PTPRK: variants seen among roughly 807,000 people sequenced by gnomAD.
PTPRK encodes the protein receptor-type tyrosine-protein phosphatase kappa.
Under a neutral mutation model 178.0 loss-of-function variants are expected in PTPRK, and 75 were observed. The observed-to-expected ratio is 0.42, with a 90% CI of 0.35 to 0.51. PTPRK has a LOEUF of 0.51. Ranked by LOEUF, PTPRK falls within the 20% of genes least tolerant of loss-of-function variation. The probability of loss-of-function intolerance (pLI) is 0.02; values close to 1 mark genes in which losing one functional copy is unlikely to be tolerated. For missense variants in PTPRK, 1,441 were observed against 1,797.8 expected (o/e 0.80, Z 3.59); for synonymous variants, 637 against 620.6 (o/e 1.03, Z -0.39).
rs944602203 is a variant in PTPRK, at chr6:128,016,738, T to C, written c.2195-7470A>G. On this transcript the variant is annotated intron_variant, in intron 13 of 29. Coordinates refer to ENST00000368226, the MANE Select transcript of PTPRK (RefSeq NM_002844.4). ...TGAGTTTTTCAAAAATCCTCTTTTT[T>C]ATTTGAAAGTTTTAAAAGAGTCCAA... Among the ~76,000 whole-genome samples the C allele has an allele frequency of 2.6e-5, 4 of 151,908 alleles. No individual in the cohort carries two copies. The East Asian group carries it at 7.7e-4, about 29-fold the overall frequency.
At chr6:128,221,973 A>G (rs1810495932) in intron 5 of PTPRK, among the ~76,000 whole-genome samples, 2 of 151,962 alleles carry the variant, frequency 1.3e-5, no homozygotes. Flanking sequence ...AAGGCCCACC[A>G]CGCTGCTTAC....
chr6:128,117,270 G>A (rs1465235485), intron 7 of PTPRK, among the ~76,000 whole-genome samples: 1 of 152,152 alleles, frequency 6.6e-6, no homozygotes, highest in Admixed American at 6.5e-5. Context: ...ACCCCCTAAA[G>A]CTCCTCTAGG....
rs1858902066 is a variant in PTPRK at position 128,520,531 on chromosome 6, G to C, written c.-173C>G. The C allele has an allele frequency of 5.1e-6, 3 of 588,954 alleles. No individual in the cohort carries two copies. The highest frequency in any genetic ancestry group is 9.1e-6 in the Non-Finnish European group (3 of 329,838). 36.5% of individuals were successfully genotyped at this position (588,954 alleles called of 1,614,324 possible). A position where few individuals can be genotyped will look rare whatever the true frequency, so the allele number is the denominator to read the frequency against. ...TCGCCAAACTACCTCAGGGGCGAAAGCGTCGCCAGCGTCGCCGGCCGGCCG... is the reference window on the plus strand; with the variant it reads ...TCGCCAAACTACCTCAGGGGCGAAACCGTCGCCAGCGTCGCCGGCCGGCCG... On this transcript the variant is annotated 5_prime_UTR_variant, in exon 1 of 30. Coordinates refer to ENST00000368226, the MANE Select transcript of PTPRK (RefSeq NM_002844.4).
intron 3 of PTPRK, among the ~76,000 whole-genome samples, chr6:128,298,544 G>A (rs1432278811): frequency 1.3e-5 from 2 of 152,068 alleles, no homozygotes; most frequent in Admixed American, 6.5e-5. Flanking sequence ...CTTCATCCCT[G>A]GGATGCAAGG....
At chr6:128,503,568 T>A (rs1176986433) in intron 1 of PTPRK, among the ~76,000 whole-genome samples, 1 of 152,232 alleles carries the variant, frequency 6.6e-6, no homozygotes, top group Non-Finnish European at 1.5e-5. Context: ...AGAATGAACA[T>A]GCATTTACTA....
intron 7 of PTPRK, among the ~76,000 whole-genome samples, chr6:128,117,354 G>A (rs984503686): frequency 6.6e-6 from 1 of 152,106 alleles, no homozygotes; most frequent in Non-Finnish European, 1.5e-5. Flanking sequence ...GTAATTTGGA[G>A]TGCTAAGCAA....
At chr6:128,227,093 T>A (rs1334888914) in intron 5 of PTPRK, among the ~76,000 whole-genome samples, 1 of 152,160 alleles carries the variant, frequency 6.6e-6, no homozygotes, top group Non-Finnish European at 1.5e-5. Context: ...ATCAAGTATC[T>A]ATGGAAGGCA....
chr6:127,993,665 CCACAATGTTTTATGGAAAATAG>C (rs1776844253), intron 18 of PTPRK, among the ~76,000 whole-genome samples: 1 of 151,438 alleles, frequency 6.6e-6, no homozygotes, highest in Admixed American at 6.6e-5. Flanking sequence ...TTTTAATATA[CCACAATGTTTTATGGAAAATAG>C]CACAATGTTT....
chr6:128,228,108 A>G (rs1308728466), intron 5 of PTPRK, among the ~76,000 whole-genome samples: 1 of 151,658 alleles, frequency 6.6e-6, no homozygotes, highest in Non-Finnish European at 1.5e-5. Context: ...CCCAGAACTT[A>G]AAGTCTAATT....
intron 1 of PTPRK, among the ~76,000 whole-genome samples, chr6:128,507,307 T>C (rs1038016714): frequency 3.9e-5 from 6 of 152,278 alleles, no homozygotes; most frequent in Non-Finnish European, 7.4e-5. Flanking sequence ...TAACTTTAAT[T>C]TGGCTTAGGA....
chr6:128,332,283 C>G (rs1000970578), intron 2 of PTPRK, among the ~76,000 whole-genome samples: 1 of 152,172 alleles, frequency 6.6e-6, no homozygotes, highest in African/African-American at 2.4e-5. Flanking sequence ...CATCTGTTTC[C>G]TATTTAAAAG....
intron 7 of PTPRK, among the ~76,000 whole-genome samples, chr6:128,143,560 C>T (rs891644029): frequency 6.6e-6 from 1 of 152,032 alleles, no homozygotes; most frequent in Admixed American, 6.6e-5. Context: ...ATAATTGCAC[C>T]ATTTCCAAAC....
In PTPRK at chr6:128,389,587, G is replaced by C. The variant is rs191507853; in HGVS notation, c.223+7979C>G. 1.1e-4 allele frequency among the ~76,000 whole-genome samples: 16 copies of C among 151,800 alleles called. No individual in the cohort carries two copies. The East Asian group carries it at 3.1e-3, about 29-fold the overall frequency. On this transcript the variant is annotated intron_variant, in intron 2 of 29. Coordinates refer to ENST00000368226, the MANE Select transcript of PTPRK (RefSeq NM_002844.4). ...TGTATTTTCGGTCACACTCCTACCA[G>C]GGAAAAGAAATTTTGAGTCTTTGGA...
At chr6:128,310,747 A>T (rs1244396630) in intron 3 of PTPRK, among the ~76,000 whole-genome samples, 1 of 152,218 alleles carries the variant, frequency 6.6e-6, no homozygotes, top group Admixed American at 6.5e-5. Flanking sequence ...ACTGGGCTGC[A>T]TTAAAACCAG....
intron 7 of PTPRK, among the ~76,000 whole-genome samples, chr6:128,158,853 C>T (rs1798300839): frequency 6.6e-6 from 1 of 151,742 alleles, no homozygotes; most frequent in African/African-American, 2.4e-5. Context: ...TGTTTAATTC[C>T]TCTACTTTAC....
chr6:128,156,321 A>G (rs773947536), intron 7 of PTPRK, among the ~76,000 whole-genome samples: 1 of 151,960 alleles, frequency 6.6e-6, no homozygotes, highest in South Asian at 2.1e-4. Flanking sequence ...TCACATTGCT[A>G]TAAAGAACTA....
chr6:128,197,188 T>TTC (rs1805022699), intron 6 of PTPRK, among the ~76,000 whole-genome samples: 1 of 150,838 alleles, frequency 6.6e-6, no homozygotes, highest in Non-Finnish European at 1.5e-5. Context: ...TTTTTTCTTT[T>TTC]TTTTTTTTTT....
chr6:128,104,949 C>T (rs1386918792), intron 7 of PTPRK, among the ~76,000 whole-genome samples: 1 of 152,094 alleles, frequency 6.6e-6, no homozygotes, highest in African/African-American at 2.4e-5. Context: ...AAAGTGTAAA[C>T]ATAAAGATGA....
intron 1 of PTPRK, among the ~76,000 whole-genome samples, chr6:128,433,628 A>T (rs1273215746): frequency 1.3e-5 from 2 of 151,650 alleles, no homozygotes; most frequent in Non-Finnish European, 2.9e-5. Context: ...TGATACTCCC[A>T]CCTCAGCCAC....
Sources: allele counts gnomAD v4.1 joint callset (sites outside exome capture counted in the v4.1 genomes callset), GRCh38; gene constraint gnomAD v4.1.1; transcripts MANE v1.5; gene names NCBI Gene and HGNC (gene_info 2026-07-23, HGNC 2026-07-21).